The following ZFYVE9 variants were observed in gnomAD, a reference collection of about 807,000 sequenced individuals.
The protein encoded by ZFYVE9 is zinc finger FYVE domain-containing protein 9.
A neutral mutation model predicts 126.7 loss-of-function variants in ZFYVE9; 43 were observed. The ratio of observed to expected loss-of-function variants is 0.34; its 90% CI spans 0.27 to 0.44. ZFYVE9 has a LOEUF of 0.44. Ranked by LOEUF, ZFYVE9 falls within the 20% of genes least tolerant of loss-of-function variation. ZFYVE9 has a pLI of 1.00. For missense variants in ZFYVE9, 1,476 were observed against 1,697.0 expected, an observed-to-expected ratio of 0.87 and a Z score of 2.29; for synonymous variants, 521 against 597.4, an observed-to-expected ratio of 0.87 and a Z score of 1.87.
chr1:52,263,770 C>CGGGGGT lies in ZFYVE9; in HGVS notation c.2179-3_2179-2insGGGGGT. The CGGGGGT allele has an allele frequency of 9.3e-7, 1 of 1,073,252 alleles. No homozygotes were observed. The highest frequency in any genetic ancestry group is 1.3e-6 in the Non-Finnish European group (1 of 773,312). The allele number at this position is 1,073,252 out of a possible 1,614,324, so 66.5% of individuals were successfully genotyped here. A position where few individuals can be genotyped will look rare whatever the true frequency, so the allele number is the denominator to read the frequency against. ...TGTGTTCTTCCCCCCCCCCCCCCCA[C>CGGGGGT]AGGTTTTCTGTGCTTCCTGCTGTAG... On this transcript the variant is annotated splice_polypyrimidine_tract_variant and splice_region_variant and intron_variant, in intron 4 of 18. Transcript: ENST00000287727.
chr1:52,286,692 G>T (rs1243046235), intron 10 of ZFYVE9, among the ~76,000 whole-genome samples: 3 of 152,116 alleles, frequency 2.0e-5, no homozygotes, highest in Non-Finnish European at 4.4e-5. Context: ...CTACCAGATT[G>T]TTATTTCTGG....
Position 52,346,604 on chromosome 1 carries a change from G to T in ZFYVE9, c.*383G>T. The T allele has an allele frequency of 2.5e-6, 1 of 400,518 alleles. No individual in the cohort carries two copies. The highest frequency in any genetic ancestry group is 1.3e-4 in the South Asian group (1 of 7,962). 24.8% of individuals were successfully genotyped at this position (400,518 alleles called of 1,614,324 possible). On this transcript the variant is annotated 3_prime_UTR_variant, in exon 19 of 19. Transcript: ENST00000287727. ...AACCATCACCAAGGGTGGGATGGGAGGGCAGAGGGGAAATAAAATATAAAG... is the reference window on the plus strand; with the variant it reads ...AACCATCACCAAGGGTGGGATGGGATGGCAGAGGGGAAATAAAATATAAAG...
chr1:52,237,722 C>A lies in ZFYVE9; in HGVS notation c.305C>A (p.Thr102Lys), dbSNP rs1347006103. ...QDCNLNPEIATMWIDENAVAE... is the reference protein window; with the variant it reads ...QDCNLNPEIAKMWIDENAVAE... ...TGTAATCTAAATCCAGAGATTGCCACAATGTGGATTGATGAAAATGCTGTT... is the reference window on the plus strand; with the variant it reads ...TGTAATCTAAATCCAGAGATTGCCAAAATGTGGATTGATGAAAATGCTGTT... Residue 102 changes from threonine to lysine, a missense_variant, in exon 4 of 19, where the codon ACA becomes AAA. Around this residue, in one of 2 missense-constraint regions of ZFYVE9, gnomAD observed 807 missense variants for 794.6 expected, o/e 1.02. Transcript: ENST00000287727. The A allele has an allele frequency of 1.2e-6, 2 of 1,614,032 alleles. No homozygotes were observed. Among genetic ancestry groups the A allele is most frequent in the South Asian group, 1.1e-5 (1 of 91,078 alleles).
At chr1:52,277,672 A>G (rs1314967724) in intron 8 of ZFYVE9, among the ~76,000 whole-genome samples, 1 of 152,182 alleles carries the variant, frequency 6.6e-6, no homozygotes, top group Non-Finnish European at 1.5e-5. Flanking sequence ...CATTTTATAT[A>G]AGACCAACCA....
At chr1:52,197,548 A>G (rs1050358923) in intron 1 of ZFYVE9, among the ~76,000 whole-genome samples, 6 of 152,208 alleles carry the variant, frequency 3.9e-5, no homozygotes, top group Admixed American at 2.6e-4. Context: ...TTCAACATTT[A>G]AGATTGGGTA....
At chr1:52,301,304 T>C (rs1646032008) in intron 12 of ZFYVE9, among the ~76,000 whole-genome samples, 1 of 136,374 alleles carries the variant, frequency 7.3e-6, no homozygotes, top group African/African-American at 2.8e-5. Flanking sequence ...TTTTTTTTTT[T>C]TTTTTTTTTT....
intron 17 of ZFYVE9, among the ~76,000 whole-genome samples, chr1:52,343,485 G>A (rs1029763476): frequency 6.6e-6 from 1 of 151,814 alleles, no homozygotes; most frequent in African/African-American, 2.4e-5. Flanking sequence ...GCCGGGTGCG[G>A]TGGCTCACAC....
intron 5 of ZFYVE9, among the ~76,000 whole-genome samples, chr1:52,264,670 T>C (rs964157621): frequency 1.4e-4 from 21 of 152,244 alleles, no homozygotes; most frequent in African/African-American, 4.6e-4. Flanking sequence ...CAGTGCTACC[T>C]GTGCCAGGAT....
chr1:52,217,341 C>CG (rs1557462518), intron 2 of ZFYVE9, among the ~76,000 whole-genome samples: 1 of 152,016 alleles, frequency 6.6e-6, no homozygotes, highest in African/African-American at 2.4e-5. Flanking sequence ...TTAACAGAAG[C>CG]GGGGGTAGGA....
intron 1 of ZFYVE9, among the ~76,000 whole-genome samples, chr1:52,184,612 CG>C (rs1398429870): frequency 9.1e-4 from 2 of 2,206 alleles, no homozygotes; most frequent in Admixed American, 5.3e-3. Context: ...CGGGGGTGGG[CG>C]GGGGTGGGTC....
intron 17 of ZFYVE9, among the ~76,000 whole-genome samples, chr1:52,341,439 C>T (rs943463814): frequency 1.3e-5 from 2 of 152,196 alleles, no homozygotes; most frequent in African/African-American, 4.8e-5. Flanking sequence ...ATGTACATGT[C>T]ATATAGATCA....
chr1:52,297,882 C>A (rs867696552), intron 12 of ZFYVE9, among the ~76,000 whole-genome samples: 14 of 151,476 alleles, frequency 9.2e-5, no homozygotes, highest in Admixed American at 2.0e-4. Context: ...AACACCATGC[C>A]CAGCTAGTTT....
chr1:52,272,712 C>T (rs1295196843), intron 7 of ZFYVE9, among the ~76,000 whole-genome samples: 1 of 141,982 alleles, frequency 7.0e-6, no homozygotes, highest in Non-Finnish European at 1.5e-5. Context: ...CTCTGTTGCC[C>T]AGACTGGAAT....
At chr1:52,258,958 A>G (rs1435984765) in intron 4 of ZFYVE9, among the ~76,000 whole-genome samples, 3 of 151,988 alleles carry the variant, frequency 2.0e-5, no homozygotes, top group Non-Finnish European at 4.4e-5. Flanking sequence ...TATTGTCCCA[A>G]AGCCTAACTC....
chr1:52,221,488 G>C lies in ZFYVE9; in HGVS notation c.-37+5014G>C, dbSNP rs547633430. Among the ~76,000 whole-genome samples, 7 of 152,280 alleles carry C rather than the reference G, an allele frequency of 4.6e-5. No individual in the cohort carries two copies. In the South Asian group the frequency reaches 6.2e-4, roughly 14 times the overall value. On this transcript the variant is annotated intron_variant, in intron 2 of 18. Transcript: ENST00000287727. ...GATAACTTCATATTTTAAAATTCTT[G>C]AGTCAGTAAGCCATCTCTCTGCCTT...
intron 10 of ZFYVE9, among the ~76,000 whole-genome samples, chr1:52,284,331 C>T (rs1645833347): frequency 6.6e-6 from 1 of 152,020 alleles, no homozygotes; most frequent in Non-Finnish European, 1.5e-5. Flanking sequence ...TGTGAAGAGA[C>T]TACGGCTGTA....
At chr1:52,278,132 T>C (rs892858720) in intron 8 of ZFYVE9, among the ~76,000 whole-genome samples, 2 of 152,230 alleles carry the variant, frequency 1.3e-5, no homozygotes, top group African/African-American at 4.8e-5. Flanking sequence ...TTGTATATCA[T>C]GAGTTATTTT....
intron 1 of ZFYVE9, among the ~76,000 whole-genome samples, chr1:52,147,468 C>T (rs945342136): frequency 6.6e-6 from 1 of 152,124 alleles, no homozygotes; most frequent in East Asian, 1.9e-4. Flanking sequence ...ATTTGCCTAT[C>T]GAGACATTTC....
chr1:52,208,155 T>C (rs1644994665), intron 1 of ZFYVE9, among the ~76,000 whole-genome samples: 1 of 152,136 alleles, frequency 6.6e-6, no homozygotes, highest in Admixed American at 6.5e-5. Flanking sequence ...AACCTGTCTC[T>C]ATTAAAATAT....
Sources: allele counts gnomAD v4.1 joint callset (sites outside exome capture counted in the v4.1 genomes callset), GRCh38; gene constraint gnomAD v4.1.1; regional missense constraint gnomAD v4.1.1; transcripts MANE v1.5; gene names NCBI Gene and HGNC (gene_info 2026-07-23, HGNC 2026-07-21).